The following IL1RAPL1 variants were observed in gnomAD, a reference collection of about 807,000 sequenced individuals.
IL1RAPL1 encodes interleukin-1 receptor accessory protein-like 1.
IL1RAPL1 carries 3 observed loss-of-function variants against 48.4 expected under a neutral mutation model. The ratio of observed to expected loss-of-function variants is 0.06; its 90% CI spans 0.03 to 0.16. The LOEUF (loss-of-function observed/expected upper bound fraction) is 0.16, where lower values mean the gene tolerates loss of function less well. Among genes scored for constraint, IL1RAPL1 ranks in the 10% least tolerant of loss-of-function variants. The pLI, the probability that IL1RAPL1 is intolerant of heterozygous loss-of-function variation, is 1.00. For missense variants in IL1RAPL1, 349 were observed against 530.6 expected (o/e 0.66, Z 3.36); for synonymous variants, 185 against 187.7 (o/e 0.99, Z 0.12).
At chrX:28,704,421 AACACACACAC>A (rs71703533) in intron 1 of IL1RAPL1, among the ~76,000 whole-genome samples, 50 of 89,531 alleles carry the variant, frequency 5.6e-4, no homozygotes, top group African/African-American at 4.1e-4. Context: ...AAAACACACA[AACACACACAC>A]ACACACACAC....
intron 5 of IL1RAPL1, among the ~76,000 whole-genome samples, chrX:29,543,012 C>CA (rs1361159101): frequency 9.0e-6 from 1 of 111,203 alleles, no homozygotes; most frequent in Non-Finnish European, 1.9e-5. Context: ...GCCAAAAACT[C>CA]AGAGTTCATG....
intron 1 of IL1RAPL1, among the ~76,000 whole-genome samples, chrX:28,686,022 G>A (rs1339741135): frequency 8.9e-6 from 1 of 111,745 alleles, no homozygotes; most frequent in Non-Finnish European, 1.9e-5. Context: ...TTTTCTTGGT[G>A]AACTTACATT....
chrX:29,951,146 G>T (rs976420153), intron 9 of IL1RAPL1, among the ~76,000 whole-genome samples: 54 of 111,834 alleles, frequency 4.8e-4, no homozygotes, highest in African/African-American at 1.8e-3. Flanking sequence ...TCCGAGTCTT[G>T]AGAAAAATCT....
intron 5 of IL1RAPL1, among the ~76,000 whole-genome samples, chrX:29,666,025 C>T (rs985467522): frequency 9.0e-6 from 1 of 110,550 alleles, no homozygotes; most frequent in African/African-American, 3.3e-5. Flanking sequence ...TTTTGGCAAG[C>T]CTTTTGATCT....
Position 29,489,566 on chromosome X carries a change from G to A in IL1RAPL1, c.703+90258G>A, listed in dbSNP as rs772185449. On this transcript the variant is annotated intron_variant, in intron 5 of 10. Coordinates refer to ENST00000378993, the MANE Select transcript of IL1RAPL1 (RefSeq NM_014271.4). Reference sequence around the variant, plus strand: ...GTGATGTTTTCTTCATTTTAACCCAGTGTACAAGTAATACATTTTTTCTTC... The same window carrying A: ...GTGATGTTTTCTTCATTTTAACCCAATGTACAAGTAATACATTTTTTCTTC... Among the ~76,000 whole-genome samples, 3 of 112,014 alleles carry A rather than the reference G, an allele frequency of 2.7e-5. No individual in the cohort carries two copies. The South Asian group carries it at 1.1e-3, about 42-fold the overall frequency.
chrX:29,536,076 T>C (rs752371970), intron 5 of IL1RAPL1, among the ~76,000 whole-genome samples: 1 of 111,759 alleles, frequency 8.9e-6, no homozygotes, highest in Non-Finnish European at 1.9e-5. Flanking sequence ...TGATTATGCA[T>C]TGTGCTAAGG....
chrX:29,400,639 C>G (rs988694042), intron 5 of IL1RAPL1, among the ~76,000 whole-genome samples: 70 of 111,795 alleles, frequency 6.3e-4, no homozygotes, highest in African/African-American at 2.2e-3. Context: ...TTCACTGGTC[C>G]ACTTAAAATT....
chrX:28,843,254 G>A (rs189915268), intron 2 of IL1RAPL1, among the ~76,000 whole-genome samples: 27 of 108,122 alleles, frequency 2.5e-4, no homozygotes, highest in African/African-American at 9.1e-4. Context: ...TGAGCTGAAC[G>A]TAAAAGATAG....
chrX:29,332,293 T>C lies in IL1RAPL1; in HGVS notation c.362+49076T>C, dbSNP rs771261148. Among the ~76,000 whole-genome samples, 384 of 83,693 alleles carry C rather than the reference T, an allele frequency of 4.6e-3. 1 individual carries two copies. Among genetic ancestry groups the C allele is most frequent in the African/African-American group, 0.016 (365 of 22,952 alleles). 72.7% of individuals were successfully genotyped at this position (83,693 alleles called of 115,157 possible). A position where few individuals can be genotyped will look rare whatever the true frequency, so the allele number is the denominator to read the frequency against. ...TGGATTTGTCTCACACATGTCCTTC[T>C]TGAGATGTTACTTCTGTGTTTGAGC... On this transcript the variant is annotated intron_variant, in intron 3 of 10. Coordinates refer to ENST00000378993, the MANE Select transcript of IL1RAPL1 (RefSeq NM_014271.4).
chrX:28,945,909 G>GTA (rs1924290519), intron 2 of IL1RAPL1, among the ~76,000 whole-genome samples: 1 of 107,393 alleles, frequency 9.3e-6, no homozygotes, highest in African/African-American at 3.4e-5. Context: ...ATATATGTGT[G>GTA]TGTGTGTGTG....
chrX:29,100,984 T>C (rs989869512), intron 2 of IL1RAPL1, among the ~76,000 whole-genome samples: 1 of 111,958 alleles, frequency 8.9e-6, no homozygotes, highest in Non-Finnish European at 1.9e-5. Flanking sequence ...GTTTTGGGAA[T>C]GTGTATAACT....
intron 5 of IL1RAPL1, among the ~76,000 whole-genome samples, chrX:29,504,508 G>C (rs915469090): frequency 4.5e-5 from 5 of 111,654 alleles, no homozygotes; most frequent in African/African-American, 1.6e-4. Flanking sequence ...ATATACTTGG[G>C]AGCTCTGGTG....
chrX:29,584,766 T>G (rs6630909), intron 5 of IL1RAPL1, among the ~76,000 whole-genome samples: 33,551 of 110,406 alleles, frequency 0.3, 3,794 homozygotes, highest in South Asian at 0.47. Flanking sequence ...TGTTGCCCGG[T>G]CTAGTCTTGG....
intron 5 of IL1RAPL1, among the ~76,000 whole-genome samples, chrX:29,608,792 C>G (rs1923996024): frequency 9.3e-6 from 1 of 107,176 alleles, no homozygotes; most frequent in Non-Finnish European, 1.9e-5. Context: ...CACCACTGCA[C>G]TCCAGCCTGG....
chrX:29,516,521 G>A (rs1334039640), intron 5 of IL1RAPL1, among the ~76,000 whole-genome samples: 1 of 108,620 alleles, frequency 9.2e-6, no homozygotes, highest in Non-Finnish European at 1.9e-5. Flanking sequence ...TTATATAAAT[G>A]TACTAATCTG....
chrX:28,686,833 A>G (rs1935116879), intron 1 of IL1RAPL1, among the ~76,000 whole-genome samples: 1 of 112,043 alleles, frequency 8.9e-6, no homozygotes, highest in Non-Finnish European at 1.9e-5. Context: ...TGCAAAAGAC[A>G]GTAAGAGATG....
intron 2 of IL1RAPL1, among the ~76,000 whole-genome samples, chrX:29,058,014 T>C (rs59148574): frequency 0.044 from 4,968 of 111,663 alleles, 105 homozygotes; most frequent in Middle Eastern, 0.073. Flanking sequence ...AGTTGTTTAT[T>C]ATTACCTTCC....
intron 5 of IL1RAPL1, among the ~76,000 whole-genome samples, chrX:29,657,278 T>C (rs1925711730): frequency 8.9e-6 from 1 of 111,947 alleles, no homozygotes; most frequent in Non-Finnish European, 1.9e-5. Flanking sequence ...GGCCAGATAA[T>C]TCTTGCGTTT....
At chrX:29,821,190 C>G (rs1286439624) in intron 6 of IL1RAPL1, among the ~76,000 whole-genome samples, 11 of 111,707 alleles carry the variant, frequency 9.8e-5, no homozygotes, top group African/African-American at 3.6e-4. Context: ...GAACTATCGC[C>G]TGTAATCCCA....
Sources: allele counts gnomAD v4.1 joint callset (sites outside exome capture counted in the v4.1 genomes callset), GRCh38; gene constraint gnomAD v4.1.1; transcripts MANE v1.5; gene names NCBI Gene and HGNC (gene_info 2026-07-23, HGNC 2026-07-21).